The following CWH43 variants were observed in gnomAD, a reference collection of about 807,000 sequenced individuals.
CWH43 encodes the protein PGAP2-interacting protein.
A neutral mutation model predicts 85.7 loss-of-function variants in CWH43; 91 were observed. The ratio of observed to expected loss-of-function variants is 1.06; its 90% CI spans 0.90 to 1.26. The LOEUF is 1.26. Ranked by LOEUF, CWH43 falls within the 50% of genes most tolerant of loss-of-function variation. The probability of loss-of-function intolerance (pLI) is 0.00; values close to 1 mark genes in which losing one functional copy is unlikely to be tolerated. For missense variants in CWH43, 869 were observed against 839.2 expected (o/e 1.04, Z -0.44); for synonymous variants, 323 against 293.6 (o/e 1.10, Z -1.02).
intron 13 of CWH43, among the ~76,000 whole-genome samples, chr4:49,039,640 T>G (rs1164524812): frequency 6.6e-6 from 1 of 151,470 alleles, no homozygotes; most frequent in Non-Finnish European, 1.5e-5. Context: ...GTAACATTAT[T>G]TACAGAGTTT....
intron 12 of CWH43, among the ~76,000 whole-genome samples, chr4:49,036,681 C>G (rs889385262): frequency 3.3e-5 from 5 of 152,252 alleles, no homozygotes; most frequent in African/African-American, 9.6e-5. Context: ...CTCAGCTATG[C>G]ATTGCAGAGA....
At chr4:48,997,199 T>C (rs537258523) in intron 5 of CWH43, among the ~76,000 whole-genome samples, 20 of 151,716 alleles carry the variant, frequency 1.3e-4, no homozygotes, top group African/African-American at 4.3e-4. Flanking sequence ...TACAGGCACC[T>C]GACACTACAC....
intron 7 of CWH43, among the ~76,000 whole-genome samples, chr4:49,006,369 G>A (rs1422090418): frequency 6.6e-6 from 1 of 152,098 alleles, no homozygotes; most frequent in South Asian, 2.1e-4. Context: ...ATTTGATGAG[G>A]CCACAAAAGC....
At chr4:49,018,195 A>C (rs1783622277) in intron 9 of CWH43, among the ~76,000 whole-genome samples, 1 of 152,056 alleles carries the variant, frequency 6.6e-6, no homozygotes, top group Non-Finnish European at 1.5e-5. Flanking sequence ...TTACAACAAC[A>C]CCAAAGGGGG....
rs1310508428 is a variant in CWH43 at position 49,017,327 on chromosome 4, T to C, written c.1265T>C (p.Val422Ala). Residue 422 changes from valine to alanine, a missense_variant and splice_region_variant, in exon 9 of 16, where the codon GTG (valine) becomes GCG (alanine). Physicochemically the swap from Val to Ala is moderately conservative, Grantham distance 64 (BLOSUM62 0). Coordinates refer to ENST00000226432, the MANE Select transcript of CWH43 (RefSeq NM_025087.3). ...GCCTATGAGAGAAAACTGGGCAAAG[T>C]GGTAAGTAATTAAAAACCTTGAAAT... Reference protein sequence around the residue: ...HKAYERKLGKVAPTKEVSAAI... With the variant: ...HKAYERKLGKAAPTKEVSAAI... The C allele has an allele frequency of 6.3e-7, 1 of 1,598,756 alleles. No homozygotes were observed. Among genetic ancestry groups the C allele is most frequent in the Admixed American group, 1.7e-5 (1 of 59,148 alleles).
chr4:48,996,398 T>C (rs1782814888), intron 5 of CWH43, among the ~76,000 whole-genome samples: 1 of 152,206 alleles, frequency 6.6e-6, no homozygotes, highest in African/African-American at 2.4e-5. Flanking sequence ...TTTTTCTTCC[T>C]GTCTAGACAC....
chr4:49,020,251 T>TA, intron 9 of CWH43, among the ~76,000 whole-genome samples: 1 of 152,104 alleles, frequency 6.6e-6, no homozygotes, highest in African/African-American at 2.4e-5. Context: ...AGCTCCCACT[T>TA]ACGTGCAAGA....
chr4:49,021,401 A>G (rs1783746442), intron 9 of CWH43, among the ~76,000 whole-genome samples: 1 of 152,142 alleles, frequency 6.6e-6, no homozygotes, highest in African/African-American at 2.4e-5. Flanking sequence ...ACTCTGTTCC[A>G]TTGGTCTATA....
At chr4:49,040,214 A>G (rs1577700294) in intron 13 of CWH43, among the ~76,000 whole-genome samples, 2 of 152,312 alleles carry the variant, frequency 1.3e-5, no homozygotes, top group South Asian at 2.1e-4. Context: ...ATACGTGTGC[A>G]TGTGTCTTAA....
chr4:49,030,389 C>T (rs1405313048), intron 10 of CWH43, among the ~76,000 whole-genome samples: 1 of 152,158 alleles, frequency 6.6e-6, no homozygotes, highest in African/African-American at 2.4e-5. Flanking sequence ...AGTCTGATTA[C>T]AGGCTTCCAA....
chr4:49,060,152 G>A (rs1342940483), intron 15 of CWH43, among the ~76,000 whole-genome samples: 2 of 152,062 alleles, frequency 1.3e-5, no homozygotes, highest in Non-Finnish European at 2.9e-5. Context: ...CTGGTGCCTG[G>A]GGTTATAAGG....
intron 14 of CWH43, 70 bp downstream of exon 14, chr4:49,044,917 A>G (rs1784575887): frequency 8.0e-7 from 1 of 1,256,280 alleles, no homozygotes; most frequent in African/African-American, 1.5e-5. Flanking sequence ...TCTGAGAAGG[A>G]AAAAGAACTT....
intron 11 of CWH43, 97 bp downstream of exon 11, chr4:49,031,057 A>C (rs1043761236): frequency 2.0e-5 from 24 of 1,201,464 alleles, no homozygotes; most frequent in Middle Eastern, 2.0e-4. Context: ...TCTTTGGTGA[A>C]TGTGCCCCAG....
At position 49,013,144 on chromosome 4, in the gene CWH43, C is replaced by T. The variant is rs1783420714; in HGVS notation, c.1187-4105C>T. Among the ~76,000 whole-genome samples, 8 of 152,350 alleles carry T rather than the reference C, an allele frequency of 5.3e-5. No individual in the cohort carries two copies. The South Asian group carries it at 1.5e-3, about 28-fold the overall frequency. On this transcript the variant is annotated intron_variant, in intron 8 of 15. Coordinates refer to ENST00000226432, the MANE Select transcript of CWH43 (RefSeq NM_025087.3). ...AGACCTTGCTGAGCTGTGGTGGGCT[C>T]CACCCTGTTCCAGCTTCCTGGCTGC...
intron 15 of CWH43, among the ~76,000 whole-genome samples, chr4:49,057,856 T>A (rs1052147635): frequency 6.6e-6 from 1 of 152,160 alleles, no homozygotes; most frequent in African/African-American, 2.4e-5. Context: ...AGCACTTTAG[T>A]ATAATGACCT....
At position 48,991,489 on chromosome 4, in the gene CWH43, C is replaced by A. The variant is rs567950623; in HGVS notation, c.271C>A (p.Leu91Ile). ...CTCCTTCCAGGCTCCAAATGCCAAA[C>A]TTCGACTGATGGTTCTTGCGCTTGG... ...IASFQAPNAK[L>I]RLMVLALGVS... The change falls in exon 3 of 16, where the codon CTT becomes ATT. Residue 91 changes from leucine to isoleucine, a missense_variant. Around this residue, in one of 3 missense-constraint regions of CWH43, gnomAD observed 140 missense variants for 122.6 expected, o/e 1.14. Coordinates refer to ENST00000226432, the MANE Select transcript of CWH43 (RefSeq NM_025087.3). 1 of 1,614,072 alleles carries A rather than the reference C, an allele frequency of 6.2e-7. No individual in the cohort carries two copies. The highest frequency in any genetic ancestry group is 1.1e-5 in the South Asian group (1 of 91,064).
chr4:48,997,378 A>G (rs1264755007), intron 5 of CWH43, among the ~76,000 whole-genome samples: 2 of 152,066 alleles, frequency 1.3e-5, no homozygotes, highest in South Asian at 2.1e-4. Context: ...TTATTTATTA[A>G]TGGTGTTTAT....
intron 14 of CWH43, among the ~76,000 whole-genome samples, chr4:49,050,434 A>G (rs546325384): frequency 6.0e-4 from 91 of 152,354 alleles, no homozygotes; most frequent in South Asian, 1.7e-3. Flanking sequence ...TAGAATATTC[A>G]TTAGTATAAA....
intron 8 of CWH43, chr4:49,016,826 C>T: frequency 1.3e-6 from 1 of 778,562 alleles, no homozygotes; most frequent in East Asian, 2.4e-5. Context: ...CCACTTTCTG[C>T]TCAATCAGTT....
Sources: allele counts gnomAD v4.1 joint callset (sites outside exome capture counted in the v4.1 genomes callset), GRCh38; gene constraint gnomAD v4.1.1; regional missense constraint gnomAD v4.1.1; transcripts MANE v1.5; gene names NCBI Gene and HGNC (gene_info 2026-07-23, HGNC 2026-07-21).